The following CFTR variants were observed in gnomAD, a reference collection of about 807,000 sequenced individuals.
CFTR encodes the protein CF transmembrane conductance regulator.
Under a neutral mutation model 171.6 loss-of-function variants are expected in CFTR, and 181 were observed. That is an observed-to-expected ratio of 1.05 (90% CI 0.93 to 1.19). CFTR has a LOEUF of 1.19. Among genes scored for constraint, CFTR ranks in the 50% most tolerant of loss-of-function variants. CFTR has a pLI of 0.00. For synonymous variants in CFTR, 583 were observed against 608.0 expected, an observed-to-expected ratio of 0.96 and a Z score of 0.60; for missense variants, 1,968 against 1,734.7, an observed-to-expected ratio of 1.13 and a Z score of -2.39.
intron 22 of CFTR, among the ~76,000 whole-genome samples, chr7:117,637,876 C>CA (rs1365468695): frequency 6.7e-4 from 98 of 147,046 alleles, no homozygotes; most frequent in Admixed American, 8.8e-4. Flanking sequence ...GACTCCGTCT[C>CA]AAAAAAAAAA....
intron 3 of CFTR, among the ~76,000 whole-genome samples, chr7:117,519,754 A>G (rs1798656531): frequency 6.6e-6 from 1 of 151,914 alleles, no homozygotes; most frequent in Admixed American, 6.6e-5. Context: ...ATGTTTTTCT[A>G]CCTAGTTACT....
intron 2 of CFTR, among the ~76,000 whole-genome samples, chr7:117,508,167 T>A (rs1798453257): frequency 6.6e-6 from 1 of 152,266 alleles, no homozygotes; most frequent in Non-Finnish European, 1.5e-5. Context: ...AGCCTTTGTC[T>A]AATTGTTTAC....
At chr7:117,627,861 A>T in intron 22 of CFTR, 91 bp downstream of exon 22, 1 of 1,292,048 alleles carries the variant, frequency 7.7e-7, no homozygotes, top group Non-Finnish European at 1.1e-6. Flanking sequence ...ATCTATTTGT[A>T]ACATTATTAT....
intron 2 of CFTR, among the ~76,000 whole-genome samples, chr7:117,508,329 C>A (rs1185372855): frequency 6.6e-6 from 1 of 152,124 alleles, no homozygotes; most frequent in Non-Finnish European, 1.5e-5. Context: ...ATACAATCAG[C>A]TGGTGTTCCT....
chr7:117,535,186 T>C, intron 5 of CFTR, 62 bp from the exon 6 acceptor site: 1 of 1,547,350 alleles, frequency 6.5e-7, no homozygotes, highest in Non-Finnish European at 8.9e-7. Context: ...CATATATGAT[T>C]GTTAGTTTCT....
At chr7:117,653,985 G>A (rs1197614049) in intron 24 of CFTR, among the ~76,000 whole-genome samples, 3 of 152,176 alleles carry the variant, frequency 2.0e-5, no homozygotes, top group Non-Finnish European at 2.9e-5. Flanking sequence ...AGGAGTGACA[G>A]GTCTCTATAA....
chr7:117,600,632 T>C (rs1584816440), intron 15 of CFTR, among the ~76,000 whole-genome samples: 2 of 152,188 alleles, frequency 1.3e-5, no homozygotes, highest in Admixed American at 6.5e-5. Context: ...GGCAGCTTTA[T>C]GACAGTTGGT....
chr7:117,558,753 A>G (rs1052766881), intron 10 of CFTR, among the ~76,000 whole-genome samples: 11 of 152,038 alleles, frequency 7.2e-5, no homozygotes, highest in African/African-American at 2.4e-4. Flanking sequence ...GCTTTTCTTA[A>G]TAAAGCAATC....
At chr7:117,541,724 T>C (rs1357057455) in intron 8 of CFTR, among the ~76,000 whole-genome samples, 3 of 152,162 alleles carry the variant, frequency 2.0e-5, no homozygotes, top group Admixed American at 6.5e-5. Context: ...AATTCATCAC[T>C]AAGGTTAGCA....
In CFTR at chr7:117,664,806, T is replaced by G; in HGVS notation, c.4082T>G (p.Leu1361Arg). 6.2e-7 allele frequency: 1 copy of G among 1,614,082 alleles called. No individual in the cohort carries two copies. The highest frequency in any genetic ancestry group is 8.5e-7 in the Non-Finnish European group (1 of 1,179,930). Residue 1361 changes from leucine to arginine, a missense_variant, in exon 25 of 27, where the codon CTC becomes CGC. Leu to Arg is a moderately radical substitution (Grantham distance 102). Transcript: ENST00000003084. Reference sequence around the variant, plus strand: ...TTGATGTGCTTGGCTAGATCTGTTCTCAGTAAGGCGAAGATCTTGCTGCTT... The same window carrying G: ...TTGATGTGCTTGGCTAGATCTGTTCGCAGTAAGGCGAAGATCTTGCTGCTT... The part of the protein sequence containing the change: ...KQLMCLARSV[L>R]SKAKILLLDE...
intron 5 of CFTR, 51 bp downstream of exon 5, chr7:117,534,416 A>G: frequency 2.0e-6 from 2 of 1,021,066 alleles, no homozygotes; most frequent in East Asian, 2.4e-5. Flanking sequence ...TAAATTATAC[A>G]ACTGGAAAGG....
intron 24 of CFTR, among the ~76,000 whole-genome samples, chr7:117,654,676 C>T (rs34927137): frequency 0.23 from 35,096 of 152,054 alleles, 4,373 homozygotes; most frequent in South Asian, 0.24. Flanking sequence ...CTTTCCCTTC[C>T]GCCATGATTG....
chr7:117,641,024 G>A (rs999120457), intron 22 of CFTR, among the ~76,000 whole-genome samples: 12 of 152,112 alleles, frequency 7.9e-5, no homozygotes, highest in African/African-American at 2.9e-4. Flanking sequence ...AATAAAAAAA[G>A]TACTGATTGT....
intron 4 of CFTR, among the ~76,000 whole-genome samples, chr7:117,533,568 T>C (rs1010739644): frequency 6.6e-6 from 1 of 152,152 alleles, no homozygotes; most frequent in Non-Finnish European, 1.5e-5. Flanking sequence ...CACTTGAAAC[T>C]AATATTAGAT....
intron 18 of CFTR, among the ~76,000 whole-genome samples, chr7:117,608,351 C>T (rs963824017): frequency 5.3e-5 from 8 of 152,024 alleles, no homozygotes; most frequent in Non-Finnish European, 7.4e-5. Context: ...ATTACAGGCG[C>T]GCACCACCAT....
At chr7:117,652,264 C>G (rs1025040192) in intron 23 of CFTR, among the ~76,000 whole-genome samples, 2 of 152,144 alleles carry the variant, frequency 1.3e-5, no homozygotes, top group African/African-American at 4.8e-5. Context: ...TGCTCTTCCA[C>G]TGATTTCTAA....
chr7:117,519,129 T>G (rs1355237524), intron 3 of CFTR, among the ~76,000 whole-genome samples: 3 of 152,128 alleles, frequency 2.0e-5, no homozygotes, highest in Non-Finnish European at 4.4e-5. Context: ...AGTCATTGAA[T>G]CTAAAAGAAA....
At chr7:117,610,842 A>G (rs2116081938) in intron 19 of CFTR, among the ~76,000 whole-genome samples, 173 bp downstream of exon 19, 1 of 152,360 alleles carries the variant, frequency 6.6e-6, no homozygotes, top group Non-Finnish European at 1.5e-5. Flanking sequence ...TACAAAGTAC[A>G]CATGGATTTT....
chr7:117,630,055 A>T (rs1454587348), intron 22 of CFTR, among the ~76,000 whole-genome samples: 3 of 152,222 alleles, frequency 2.0e-5, no homozygotes, highest in Non-Finnish European at 2.9e-5. Context: ...ATAATCTAAA[A>T]GGGAAAACGT....
Sources: allele counts gnomAD v4.1 joint callset (sites outside exome capture counted in the v4.1 genomes callset), GRCh38; gene constraint gnomAD v4.1.1; transcripts MANE v1.5; gene names NCBI Gene and HGNC (gene_info 2026-07-23, HGNC 2026-07-21).